Variants in VPS35 observed in about 807,000 individuals in gnomAD.
The protein encoded by VPS35 is vacuolar protein sorting-associated protein 35.
A neutral mutation model predicts 98.1 loss-of-function variants in VPS35; 21 were observed. The observed-to-expected ratio is 0.21, with a 90% CI of 0.15 to 0.31. The LOEUF (loss-of-function observed/expected upper bound fraction) is 0.31. VPS35 is among the 10% of genes least tolerant of loss of function. VPS35 has a pLI of 1.00. For missense variants in VPS35, 554 were observed against 950.8 expected (o/e 0.58, Z 5.49); for synonymous variants, 268 against 318.2 (o/e 0.84, Z 1.68).
At chr16:46,669,137 C>T (rs1250159711) in intron 12 of VPS35, 85 bp from the exon 13 acceptor site, 7 of 1,541,910 alleles carry the variant, frequency 4.5e-6, no homozygotes, top group African/African-American at 1.4e-5. Flanking sequence ...ATCATCATTG[C>T]TAACATTTTG....
rs1488948600 is a variant in VPS35 at position 46,656,414 on chromosome 16, T to C, written c.*4058A>G. 6.6e-6 allele frequency: 1 copy of C among 152,232 alleles called. No homozygotes were observed. The highest frequency in any genetic ancestry group is 1.5e-5 in the Non-Finnish European group (1 of 68,030). 9.4% of individuals were successfully genotyped at this position (152,232 alleles called of 1,614,324 possible). A position where few individuals can be genotyped will look rare whatever the true frequency, so the allele number is the denominator to read the frequency against. Reference sequence around the variant, plus strand: ...GCATTTGAAACCACCTTTACAAAAATTGTAACTGAGGAAATTATGACAGTG... The same window carrying C: ...GCATTTGAAACCACCTTTACAAAAACTGTAACTGAGGAAATTATGACAGTG... On this transcript the variant is annotated 3_prime_UTR_variant, in exon 17 of 17. Coordinates refer to ENST00000299138, the MANE Select transcript of VPS35 (RefSeq NM_018206.6).
intron 13 of VPS35, among the ~76,000 whole-genome samples, chr16:46,663,931 G>C (rs1322075981): frequency 8.5e-6 from 1 of 117,982 alleles, no homozygotes; most frequent in African/African-American, 3.5e-5. Flanking sequence ...GGCTGATCTT[G>C]AACTACTGGC....
rs1965847405 is a variant in VPS35 at position 46,656,761 on chromosome 16, C to G, written c.*3711G>C. The G allele has an allele frequency of 6.6e-6, 1 of 152,404 alleles. No individual in the cohort carries two copies. The highest frequency in any genetic ancestry group is 2.1e-4 in the South Asian group (1 of 4,838). The allele number at this position is 152,404 out of a possible 1,614,324, so 9.4% of individuals were successfully genotyped here. On this transcript the variant is annotated 3_prime_UTR_variant, in exon 17 of 17. Transcript: ENST00000299138. ...GTGGCTCATGCCTGTAATTCCAGCA[C>G]TTTGGGAGGCTGAGCCAGGTGGATC...
intron 13 of VPS35, among the ~76,000 whole-genome samples, chr16:46,667,230 T>C (rs1966002944): frequency 6.6e-6 from 1 of 152,246 alleles, no homozygotes; most frequent in African/African-American, 2.4e-5. Flanking sequence ...TGAACATCTG[T>C]TCATATACCA....
intron 13 of VPS35, among the ~76,000 whole-genome samples, chr16:46,667,187 G>T (rs1183084639): frequency 6.6e-6 from 1 of 152,102 alleles, no homozygotes; most frequent in Non-Finnish European, 1.5e-5. Flanking sequence ...ATCTCATAGT[G>T]GTTTTGATTT....
rs1031732732 is a variant in VPS35, at chr16:46,660,400, G to A, written c.*72C>T. ...AGCATTTCTGAAAGGCACAATCTAT[G>A]GAAGGGAAACCTAGCGTAATAAAAC... On this transcript the variant is annotated 3_prime_UTR_variant, in exon 17 of 17. Coordinates refer to ENST00000299138, the MANE Select transcript of VPS35 (RefSeq NM_018206.6). 6.3e-6 allele frequency: 10 copies of A among 1,584,662 alleles called. No homozygotes were observed. The African/African-American group carries it at 1.1e-4, about 17-fold the overall frequency.
chr16:46,662,919 C>G, intron 14 of VPS35, 64 bp downstream of exon 14: 1 of 1,584,202 alleles, frequency 6.3e-7, no homozygotes, highest in South Asian at 1.1e-5. Flanking sequence ...TACCACCATG[C>G]CTGCAAACAA....
rs1353629428 is a variant in VPS35 at position 46,656,500 on chromosome 16, T to A, written c.*3972A>T. 1.3e-5 allele frequency: 2 copies of A among 152,246 alleles called. No homozygotes were observed. The highest frequency in any genetic ancestry group is 4.8e-5 in the African/African-American group (2 of 41,466). 9.4% of individuals were successfully genotyped at this position (152,246 alleles called of 1,614,324 possible). The stretch of plus-strand genomic sequence containing the variant: ...TAACCTTTAAGCTGTCCTTGTTCAT[T>A]CCTGGGCATAGGTAGAACTAACCTT... On this transcript the variant is annotated 3_prime_UTR_variant, in exon 17 of 17. Transcript: ENST00000299138.
chr16:46,669,124 C>T, intron 12 of VPS35, 72 bp from the exon 13 acceptor site: 1 of 1,571,966 alleles, frequency 6.4e-7, no homozygotes, highest in Non-Finnish European at 8.8e-7. Context: ...AATGTGGGCT[C>T]TAATCATCAT....
rs150891606 is a variant in VPS35 at position 46,673,168 on chromosome 16, G to A, written c.1161-696C>T. Among the ~76,000 whole-genome samples the A allele has an allele frequency of 8.5e-3, 1,284 of 151,480 alleles. 25 individuals are homozygous for A. The highest frequency in any genetic ancestry group is 0.029 in the African/African-American group (1,211 of 41,270). ...TATTTTTTATTAGAGACGGGGTCTC[G>A]CTATGTTGCCCAGGCTGTTCTCAAA... On this transcript the variant is annotated intron_variant, in intron 10 of 16. Transcript: ENST00000299138.
In VPS35 at chr16:46,660,060, C is replaced by T. The variant is rs2143005443; in HGVS notation, c.*412G>A. The T allele has an allele frequency of 6.2e-6, 1 of 160,260 alleles. No individual in the cohort carries two copies. The highest frequency in any genetic ancestry group is 1.8e-4 in the East Asian group (1 of 5,520). 9.9% of individuals were successfully genotyped at this position (160,260 alleles called of 1,614,324 possible). A position where few individuals can be genotyped will look rare whatever the true frequency, so the allele number is the denominator to read the frequency against. On this transcript the variant is annotated 3_prime_UTR_variant, in exon 17 of 17. Transcript: ENST00000299138. ...ATTAATCTCAAACTGGACTAGAAAA[C>T]AAGAGACAGACGCTTTTGGGTTAGT...
At position 46,676,603 on chromosome 16, in the gene VPS35, T is replaced by G. The variant is rs1293153677; in HGVS notation, c.894A>C (p.Ile298=). 13 of 1,609,462 alleles carry G rather than the reference T, an allele frequency of 8.1e-6. No homozygotes were observed. The African/African-American group carries it at 1.3e-4, about 17-fold the overall frequency. The change falls in exon 8 of 17, where the codon ATA becomes ATC. Residue 298 remains isoleucine (I), a synonymous_variant. Transcript: ENST00000299138. The part of the protein sequence containing the change: ...ELHQNVNVKN[I]IIALIDRLAL... ...CTTACCTATCAATTAAAGCAATGATTATGTTCTTCACATTTACATTCTGGT... is the reference window on the plus strand; with the variant it reads ...CTTACCTATCAATTAAAGCAATGATGATGTTCTTCACATTTACATTCTGGT...
At chr16:46,668,696 T>G (rs546323323) in intron 13 of VPS35, among the ~76,000 whole-genome samples, 14 of 152,324 alleles carry the variant, frequency 9.2e-5, no homozygotes, top group Non-Finnish European at 1.9e-4. Context: ...TGCTTTAATC[T>G]TGCATTTCTA....
At chr16:46,682,863 T>G (rs951929666) in intron 2 of VPS35, 1 of 154,432 alleles carries the variant, frequency 6.5e-6, no homozygotes, top group African/African-American at 2.4e-5. Context: ...AGCATCATCT[T>G]CATCACAGTA....
At chr16:46,665,697 T>C (rs957262842) in intron 13 of VPS35, among the ~76,000 whole-genome samples, 12 of 152,204 alleles carry the variant, frequency 7.9e-5, no homozygotes, top group Non-Finnish European at 1.6e-4. Flanking sequence ...CTTTTATTTA[T>C]TTGCCCTAAA....
At position 46,659,118 on chromosome 16, in the gene VPS35, G is replaced by C. The variant is rs1329374638; in HGVS notation, c.*1354C>G. 6.6e-6 allele frequency: 1 copy of C among 152,290 alleles called. No homozygotes were observed. Among genetic ancestry groups the C allele is most frequent in the Non-Finnish European group, 1.5e-5 (1 of 68,142 alleles). The allele number at this position is 152,290 out of a possible 1,614,324, so 9.4% of individuals were successfully genotyped here. A position where few individuals can be genotyped will look rare whatever the true frequency, so the allele number is the denominator to read the frequency against. On this transcript the variant is annotated 3_prime_UTR_variant, in exon 17 of 17. Coordinates refer to ENST00000299138, the MANE Select transcript of VPS35 (RefSeq NM_018206.6). The stretch of plus-strand genomic sequence containing the variant: ...AAGGGCCGTCAAGGAGAGGAACTGG[G>C]GCCTCTGCCCTCAAGGAAAGGAACT...
At position 46,672,329 on chromosome 16, in the gene VPS35, C is replaced by T. The variant is rs1026974904; in HGVS notation, c.1304G>A (p.Ser435Asn). Residue 435 changes from serine (S) to asparagine (N), a missense_variant, in exon 11 of 17, where the codon AGC becomes AAC. Physicochemically the swap from Ser to Asn is conservative, Grantham distance 46. This residue lies in a region of VPS35 where 254 missense variants were observed against 390.1 expected (regional missense o/e 0.65). Coordinates refer to ENST00000299138, the MANE Select transcript of VPS35 (RefSeq NM_018206.6). ...FEYFDYESRK[S>N]MSCYVLSNVL... ...ATTACTAAGCACATAACAACTCATG[C>T]TCTTTCTGGACTCGTAGTCAAAGTA... 19 of 1,613,702 alleles carry T rather than the reference C, an allele frequency of 1.2e-5. No individual in the cohort carries two copies. Among genetic ancestry groups the T allele is most frequent in the Non-Finnish European group, 1.5e-5 (18 of 1,179,882 alleles).
At chr16:46,671,349 ACTT>A (rs1966065709) in intron 12 of VPS35, among the ~76,000 whole-genome samples, 1 of 152,214 alleles carries the variant, frequency 6.6e-6, no homozygotes. Context: ...AAGAAGACAG[ACTT>A]TTTTGTAATT....
intron 13 of VPS35, among the ~76,000 whole-genome samples, chr16:46,668,598 G>T (rs1348188498): frequency 6.6e-6 from 1 of 152,008 alleles, no homozygotes; most frequent in African/African-American, 2.4e-5. Context: ...CCTTTAGAGA[G>T]AAACGACTGC....
Sources: gnomAD v4.1 joint callset for allele counts (sites outside exome capture counted in the v4.1 genomes callset) on GRCh38, gnomAD v4.1.1 for gene constraint, gnomAD v4.1.1 regional missense constraint, MANE v1.5 for transcripts, NCBI Gene and HGNC (gene_info 2026-07-23, HGNC 2026-07-21) for gene names.